The following YEATS2 variants were observed in gnomAD, a reference collection of about 807,000 sequenced individuals.
YEATS2 encodes YEATS domain containing 2, also known as YEATS domain-containing protein 2.
YEATS2 carries 77 observed loss-of-function variants against 163.2 expected under a neutral mutation model. That is an observed-to-expected ratio of 0.47 (90% CI 0.39 to 0.57). YEATS2 has a LOEUF of 0.57. YEATS2 is among the 20% of genes least tolerant of loss of function. YEATS2 has a pLI of 0.00. For synonymous variants in YEATS2, 631 were observed against 645.1 expected (o/e 0.98, Z 0.33); for missense variants, 1,549 against 1,729.8 (o/e 0.90, Z 1.85).
chr3:183,800,967 CTT>C (rs1364052251), intron 24 of YEATS2: 1 of 172,916 alleles, frequency 5.8e-6, no homozygotes, highest in East Asian at 1.6e-4. Flanking sequence ...TATATACACT[CTT>C]TGCTGCTTCT....
Position 183,772,582 on chromosome 3 carries a change from G to A in YEATS2, c.2206+19G>A. Reference sequence around the variant, plus strand: ...GGTTCAGGTAAAACGGATCATCACTGGGAGCCCTTTCAGCAGAAGCTCTGT... The same window carrying A: ...GGTTCAGGTAAAACGGATCATCACTAGGAGCCCTTTCAGCAGAAGCTCTGT... On this transcript the variant is annotated intron_variant, in intron 16 of 30. Coordinates refer to ENST00000305135, the MANE Select transcript of YEATS2 (RefSeq NM_018023.5). 1 of 1,611,374 alleles carries A rather than the reference G, an allele frequency of 6.2e-7. No individual in the cohort carries two copies. Among genetic ancestry groups the A allele is most frequent in the Admixed American group, 1.7e-5 (1 of 59,954 alleles).
rs1345756083 is a variant in YEATS2 at position 183,752,054 on chromosome 3, T to C, written c.970-19T>C. On this transcript the variant is annotated intron_variant, in intron 9 of 30. Coordinates refer to ENST00000305135, the MANE Select transcript of YEATS2 (RefSeq NM_018023.5). ...ATTGATGATGGACTCATGAGCCTGA[T>C]TGTTGCCCAATTGTCTAGGTAGTGG... 4.3e-6 allele frequency: 7 copies of C among 1,613,370 alleles called. No individual in the cohort carries two copies. The highest frequency in any genetic ancestry group is 5.9e-6 in the Non-Finnish European group (7 of 1,179,696).
Position 183,810,549 on chromosome 3 carries a change from A to G in YEATS2, c.4235A>G (p.Asn1412Ser). ...CNIPFLDFLT[N>S]KHMGILNEDQ ...ATTCCTTTTCTGGACTTCCTCACAA[A>G]CAAACACATGGGAATATTGAATGAG... The change falls in exon 31 of 31, where the codon AAC (asparagine) becomes AGC (serine). Residue 1412 changes from asparagine (N) to serine (S), a missense_variant. Transcript: ENST00000305135. 6.2e-7 allele frequency: 1 copy of G among 1,614,174 alleles called. No individual in the cohort carries two copies. Among genetic ancestry groups the G allele is most frequent in the Non-Finnish European group, 8.5e-7 (1 of 1,180,012 alleles).
intron 9 of YEATS2, 85 bp downstream of exon 9, chr3:183,747,801 C>A: frequency 1.5e-6 from 2 of 1,317,450 alleles, no homozygotes; most frequent in South Asian, 2.4e-5. Flanking sequence ...TGTTTTGAGA[C>A]GGGGTCTTCG....
At chr3:183,753,971 A>C (rs1720451465) in intron 10 of YEATS2, among the ~76,000 whole-genome samples, 155 bp from the exon 11 acceptor site, 1 of 152,210 alleles carries the variant, frequency 6.6e-6, no homozygotes. Flanking sequence ...TTTTTCACCA[A>C]AAATATGAAG....
At chr3:183,730,052 G>GTTTGTTTTTTTTTTTTTTTTTT (rs1560244258) in intron 7 of YEATS2, among the ~76,000 whole-genome samples, 2 of 41,700 alleles carry the variant, frequency 4.8e-5, no homozygotes, top group African/African-American at 8.2e-5. Flanking sequence ...TTTTTTGTTT[G>GTTTGTTTTTTTTTTTTTTTTTT]TTTTTTTTTT....
At chr3:183,792,586 C>T (rs1724762159) in intron 21 of YEATS2, among the ~76,000 whole-genome samples, 2 of 152,096 alleles carry the variant, frequency 1.3e-5, no homozygotes, top group South Asian at 2.1e-4. Context: ...GGCATGATCT[C>T]GGCTCACTGC....
At chr3:183,807,265 G>A in intron 28 of YEATS2, 173 bp downstream of exon 28, 2 of 618,558 alleles carry the variant, frequency 3.2e-6, no homozygotes, top group Non-Finnish European at 5.6e-6. Flanking sequence ...TGACCCAGGT[G>A]TGCTCTCAGG....
rs57050296 is a variant in YEATS2 at position 183,755,741 on chromosome 3, CTTTTTTTTT to C, written c.1391-766_1391-758del. Among the ~76,000 whole-genome samples the C allele has an allele frequency of 2.8e-4, 23 of 82,206 alleles. 1 individual carries two copies. The highest frequency in any genetic ancestry group is 1.0e-3 in the East Asian group (3 of 3,000). The allele number at this position is 82,206 out of a possible 152,430, so 53.9% of individuals were successfully genotyped here. The stretch of plus-strand genomic sequence containing the variant: ...ACTTACTGATTTTCTTCCTTCCTTT[CTTTTTTTTT>C]TTTTTTTTTTTTTTTTTTTTGAGAC... On this transcript the variant is annotated intron_variant, in intron 11 of 30. Coordinates refer to ENST00000305135, the MANE Select transcript of YEATS2 (RefSeq NM_018023.5).
chr3:183,741,281 C>T (rs1057474730), intron 8 of YEATS2, among the ~76,000 whole-genome samples: 2 of 152,002 alleles, frequency 1.3e-5, no homozygotes, highest in South Asian at 2.1e-4. Context: ...TATTTACCAT[C>T]CAGTAAATCC....
At chr3:183,786,406 A>C in intron 20 of YEATS2, 105 bp downstream of exon 20, 16 of 1,137,532 alleles carry the variant, frequency 1.4e-5, no homozygotes, top group Non-Finnish European at 1.6e-5. Context: ...AAAAATACTC[A>C]ACTATTGCTT....
At chr3:183,797,899 G>A (rs1303705787) in intron 21 of YEATS2, 24 bp from the exon 22 acceptor site, 1 of 1,613,194 alleles carries the variant, frequency 6.2e-7, no homozygotes, top group East Asian at 2.2e-5. Flanking sequence ...CTTCAACTTG[G>A]CTTTATCTTC....
intron 20 of YEATS2, among the ~76,000 whole-genome samples, chr3:183,789,525 ATTTTTTTTTTTT>A (rs143473253): frequency 3.0e-5 from 2 of 66,350 alleles, no homozygotes; most frequent in Admixed American, 2.5e-4. Flanking sequence ...ATTCGAGTTA[ATTTTTTTTTTTT>A]TTTTTTTTTT....
chr3:183,744,986 G>C (rs1248214875), intron 8 of YEATS2, among the ~76,000 whole-genome samples: 2 of 152,108 alleles, frequency 1.3e-5, no homozygotes, highest in Admixed American at 6.6e-5. Context: ...AAATAGCTGG[G>C]ACTACAGGTG....
intron 1 of YEATS2, among the ~76,000 whole-genome samples, chr3:183,707,640 C>T (rs1277169545): frequency 6.6e-6 from 1 of 150,520 alleles, no homozygotes; most frequent in Non-Finnish European, 1.5e-5. Flanking sequence ...TGTATGGAAG[C>T]AGATAGAAAA....
Position 183,762,628 on chromosome 3 carries a change from A to G in YEATS2, c.1947+349A>G, listed in dbSNP as rs545203515. On this transcript the variant is annotated intron_variant, in intron 15 of 30. Coordinates refer to ENST00000305135, the MANE Select transcript of YEATS2 (RefSeq NM_018023.5). ...TTGACTTGTTTATTTATGGTAGGAG[A>G]ATGCTGTAGTTTATACCTCTGATGT... Among the ~76,000 whole-genome samples the G allele has an allele frequency of 2.0e-4, 30 of 151,724 alleles. No individual in the cohort carries two copies. In the South Asian group the frequency reaches 4.0e-3, roughly 20 times the overall value.
intron 15 of YEATS2, among the ~76,000 whole-genome samples, chr3:183,767,307 CCT>C (rs1722002675): frequency 6.6e-6 from 1 of 151,942 alleles, no homozygotes; most frequent in Admixed American, 6.6e-5. Flanking sequence ...CTCACTGCAA[CCT>C]CTGTCTCCTG....
intron 7 of YEATS2, among the ~76,000 whole-genome samples, chr3:183,736,247 C>G (rs1231069313): frequency 1.3e-5 from 2 of 152,132 alleles, no homozygotes; most frequent in Non-Finnish European, 2.9e-5. Context: ...TATGATCTTT[C>G]TTTAAGTCTT....
intron 8 of YEATS2, among the ~76,000 whole-genome samples, chr3:183,745,981 G>A (rs1315684815): frequency 1.3e-5 from 2 of 152,150 alleles, no homozygotes; most frequent in East Asian, 1.9e-4. Context: ...ACAGGCGTGC[G>A]CCACCATGCC....
Sources: gnomAD v4.1 joint callset for allele counts (sites outside exome capture counted in the v4.1 genomes callset) on GRCh38, gnomAD v4.1.1 for gene constraint, MANE v1.5 for transcripts, NCBI Gene and HGNC (gene_info 2026-07-23, HGNC 2026-07-21) for gene names.